Variants in MORC2 observed in about 807,000 individuals in gnomAD.
MORC2 encodes the protein MORC family CW-type zinc finger 2, also known as ATPase MORC2.
Under a neutral mutation model 136.0 loss-of-function variants are expected in MORC2, and 30 were observed. The observed-to-expected ratio is 0.22, with a 90% CI of 0.17 to 0.30. The LOEUF (loss-of-function observed/expected upper bound fraction) is 0.30, where lower values mean the gene tolerates loss of function less well. MORC2 is among the 10% of genes least tolerant of loss of function. The pLI, the probability that MORC2 is intolerant of heterozygous loss-of-function variation, is 1.00. For synonymous variants in MORC2, 439 were observed against 487.0 expected (o/e 0.90, Z 1.30); for missense variants, 922 against 1,333.1 (o/e 0.69, Z 4.80).
At chr22:30,929,671 G>T (rs778901009) in intron 24 of MORC2, among the ~76,000 whole-genome samples, 2 of 151,508 alleles carry the variant, frequency 1.3e-5, no homozygotes, top group Non-Finnish European at 2.9e-5. Context: ...TGAGGCAGGA[G>T]AATGGTGTGA....
intron 20 of MORC2, 49 bp from the exon 21 acceptor site, chr22:30,933,569 C>A: frequency 6.3e-7 from 1 of 1,596,758 alleles, no homozygotes; most frequent in Non-Finnish European, 8.6e-7. Flanking sequence ...CCCCCAAGAG[C>A]AGACTTGTGC....
intron 25 of MORC2, 134 bp downstream of exon 25, chr22:30,927,885 G>A: frequency 1.9e-6 from 2 of 1,074,362 alleles, no homozygotes; most frequent in Non-Finnish European, 2.6e-6. Flanking sequence ...TCCTGCCAGG[G>A]TGCTGTGCAG....
Position 30,934,965 on chromosome 22 carries a change from G to A in MORC2, c.2009C>T (p.Pro670Leu), listed in dbSNP as rs747230744. 1.9e-6 allele frequency: 3 copies of A among 1,614,128 alleles called. No individual in the cohort carries two copies. The highest frequency in any genetic ancestry group is 2.5e-6 in the Non-Finnish European group (3 of 1,180,028). The change falls in exon 19 of 26, where the codon CCA becomes CTA. Residue 670 changes from proline to leucine, a missense_variant. Around this residue, in one of 9 missense-constraint regions of MORC2, gnomAD observed 184 missense variants for 180.3 expected, o/e 1.02. Coordinates refer to ENST00000397641, the MANE Select transcript of MORC2 (RefSeq NM_001303256.3). The surrounding 1 kb of genome is among the most constrained non-coding windows in gnomAD (Gnocchi z 4.4). ...EEASTSRLLQ[P>L]PEAPRKPANT... ...GGCAGGCTTTCGGGGTGCCTCAGGT[G>A]GCTGGAGCAGCCTAGATGTGCTGGC... is the stretch of plus-strand genomic sequence containing the variant.
chr22:30,942,361 A>G (rs897333927), intron 6 of MORC2, 90 bp from the exon 7 acceptor site: 9 of 1,415,842 alleles, frequency 6.4e-6, no homozygotes, highest in Middle Eastern at 2.6e-4. Context: ...TCCCCACAGC[A>G]GCTCCACACT....
rs2041166409 is a variant in MORC2, at chr22:30,968,636, T to G, written c.-747A>C. Among the ~76,000 whole-genome samples, 1 of 151,806 alleles carries G rather than the reference T, an allele frequency of 6.6e-6. No individual in the cohort carries two copies. Among genetic ancestry groups the G allele is most frequent in the Non-Finnish European group, 1.5e-5 (1 of 67,950 alleles). On this transcript the variant is annotated 5_prime_UTR_variant, in exon 1 of 26. Transcript: ENST00000397641. ...CCCCCACGTCCCTCAGACAACAGCC[T>G]CAGCCTCCCAGGCCCTTCCCGGGCC...
In MORC2 at chr22:30,960,769, C is replaced by T. The variant is rs560757677; in HGVS notation, c.69-2075G>A. ...GCCTCCCAAAGTGCTGGGATTACAG[C>T]CATAAGCCGCCACACCCGGCTGGAA... is the stretch of plus-strand genomic sequence containing the variant. On this transcript the variant is annotated intron_variant, in intron 1 of 25. Coordinates refer to ENST00000397641, the MANE Select transcript of MORC2 (RefSeq NM_001303256.3). 1.5e-3 allele frequency among the ~76,000 whole-genome samples: 208 copies of T among 141,118 alleles called. 1 individual carries two copies. The highest frequency in any genetic ancestry group is 3.5e-3 in the South Asian group (16 of 4,510). The allele number at this position is 141,118 out of a possible 152,430, so 92.6% of individuals were successfully genotyped here. A position where few individuals can be genotyped will look rare whatever the true frequency, so the allele number is the denominator to read the frequency against.
At chr22:30,940,294 A>T (rs1023699566) in intron 10 of MORC2, among the ~76,000 whole-genome samples, 6 of 134,490 alleles carry the variant, frequency 4.5e-5, no homozygotes, top group Non-Finnish European at 8.0e-5. Flanking sequence ...GAACAGGTTT[A>T]AAAAAAAAAA....
chr22:30,941,777 A>G lies in MORC2; in HGVS notation c.698+114T>C, dbSNP rs920269817. On this transcript the variant is annotated intron_variant, in intron 8 of 25. Transcript: ENST00000397641. The surrounding 1 kb of genome is among the most constrained non-coding windows in gnomAD (Gnocchi z 4.6). ...GGCAACTGAGCTGGCCCTACATACTACCCTACCACAGAACACTGGGCAATG... is the reference window on the plus strand; with the variant it reads ...GGCAACTGAGCTGGCCCTACATACTGCCCTACCACAGAACACTGGGCAATG... The G allele has an allele frequency of 1.7e-6, 2 of 1,162,056 alleles. No individual in the cohort carries two copies. Among genetic ancestry groups the G allele is most frequent in the African/African-American group, 3.0e-5 (2 of 66,072 alleles). The allele number at this position is 1,162,056 out of a possible 1,614,324, so 72.0% of individuals were successfully genotyped here. A position where few individuals can be genotyped will look rare whatever the true frequency, so the allele number is the denominator to read the frequency against.
rs568000445 is a variant in MORC2, at chr22:30,937,563, G to T, written c.1498+20C>A. 1.2e-5 allele frequency: 19 copies of T among 1,610,702 alleles called. No homozygotes were observed. In the South Asian group the frequency reaches 1.7e-4, roughly 14 times the overall value. On this transcript the variant is annotated intron_variant, in intron 15 of 25. Coordinates refer to ENST00000397641, the MANE Select transcript of MORC2 (RefSeq NM_001303256.3). This position sits in a 1 kb window ranked among gnomAD's most constrained non-coding sequence, Gnocchi z 4.7. ...TGGGCTGATGGAAATGAGTCGGGGG[G>T]GTCCAACCACCCAACTCACCGCACT...
intron 3 of MORC2, among the ~76,000 whole-genome samples, chr22:30,953,275 C>T (rs2040917382): frequency 6.6e-6 from 1 of 152,204 alleles, no homozygotes; most frequent in Non-Finnish European, 1.5e-5. Flanking sequence ...ATGTTCCCCG[C>T]CTCCCATCAC....
At chr22:30,950,353 C>A in intron 4 of MORC2, 24 bp downstream of exon 4, 3 of 1,481,954 alleles carry the variant, frequency 2.0e-6, no homozygotes, top group Non-Finnish European at 2.8e-6. Flanking sequence ...CCCCACCCCC[C>A]AAAACAATAA....
intron 5 of MORC2, among the ~76,000 whole-genome samples, chr22:30,949,421 C>T (rs1421576888): frequency 6.6e-6 from 1 of 152,166 alleles, no homozygotes; most frequent in African/African-American, 2.4e-5. Flanking sequence ...CAGATACATC[C>T]CAACACCACA....
chr22:30,942,419 G>C (rs1293851865), intron 6 of MORC2, 148 bp from the exon 7 acceptor site: 4 of 847,662 alleles, frequency 4.7e-6, no homozygotes, highest in Non-Finnish European at 7.1e-6. Flanking sequence ...CAGAGGCTCT[G>C]TGAGCTTCAG....
intron 3 of MORC2, among the ~76,000 whole-genome samples, chr22:30,955,266 A>G (rs913771356): frequency 6.6e-6 from 1 of 152,022 alleles, no homozygotes; most frequent in African/African-American, 2.4e-5. Context: ...CCTTGGCCTG[A>G]GCATTTAGTA....
At chr22:30,961,821 G>A (rs953314276) in intron 1 of MORC2, among the ~76,000 whole-genome samples, 1 of 152,136 alleles carries the variant, frequency 6.6e-6, no homozygotes, top group Non-Finnish European at 1.5e-5. Flanking sequence ...CATATTTTCC[G>A]ATAGCATCCC....
intron 3 of MORC2, 58 bp downstream of exon 3, chr22:30,956,705 C>G: frequency 7.7e-7 from 1 of 1,305,056 alleles, no homozygotes; most frequent in Non-Finnish European, 1.1e-6. Context: ...TCTTCTTAGG[C>G]ACAGTAATAA....
intron 4 of MORC2, 24 bp downstream of exon 4, chr22:30,950,353 C>CACAAAAA: frequency 6.7e-7 from 1 of 1,481,960 alleles, no homozygotes. Context: ...CCCCACCCCC[C>CACAAAAA]AAAACAATAA....
rs1569194691 is a variant in MORC2 at position 30,941,365 on chromosome 22, G to GC, written c.824+67dup. On this transcript the variant is annotated intron_variant, in intron 9 of 25. Transcript: ENST00000397641. The surrounding 1 kb of genome is among the most constrained non-coding windows in gnomAD (Gnocchi z 4.6). ...TCTTATACAGCATCCCTCTAACAATGCCCCAGAGAAACGCGGCCACATCCT... is the reference window on the plus strand; with the variant it reads ...TCTTATACAGCATCCCTCTAACAATGCCCCCAGAGAAACGCGGCCACATCCT... 6 of 1,585,504 alleles carry GC rather than the reference G, an allele frequency of 3.8e-6. No individual in the cohort carries two copies. Among genetic ancestry groups the GC allele is most frequent in the Non-Finnish European group, 5.2e-6 (6 of 1,164,716 alleles).
chr22:30,966,187 T>G (rs2041125899), intron 1 of MORC2, among the ~76,000 whole-genome samples: 1 of 152,222 alleles, frequency 6.6e-6, no homozygotes, highest in South Asian at 2.1e-4. Flanking sequence ...GAACAAGAAC[T>G]GAAATTCTGA....
Sources: gnomAD v4.1 joint callset for allele counts (sites outside exome capture counted in the v4.1 genomes callset) on GRCh38, gnomAD v4.1.1 for gene constraint, gnomAD v4.1.1 regional missense constraint, Gnocchi (gnomAD v3.1) non-coding constraint, MANE v1.5 for transcripts, NCBI Gene and HGNC (gene_info 2026-07-23, HGNC 2026-07-21) for gene names.